Variants in GRAMD1C observed in about 807,000 individuals in gnomAD.
GRAMD1C encodes protein Aster-C.
A neutral mutation model predicts 97.8 loss-of-function variants in GRAMD1C; 89 were observed. The ratio of observed to expected loss-of-function variants is 0.91; its 90% CI spans 0.77 to 1.09. The LOEUF (loss-of-function observed/expected upper bound fraction) is 1.09. Among genes scored for constraint, GRAMD1C ranks in the 50% least tolerant of loss-of-function variants. The pLI is 0.00. For missense variants in GRAMD1C, 740 were observed against 766.4 expected, an observed-to-expected ratio of 0.97 and a Z score of 0.41; for synonymous variants, 256 against 267.0, an observed-to-expected ratio of 0.96 and a Z score of 0.40.
At chr3:113,860,991 A>G (rs1308071696) in intron 2 of GRAMD1C, among the ~76,000 whole-genome samples, 1 of 151,712 alleles carries the variant, frequency 6.6e-6, no homozygotes, top group Non-Finnish European at 1.5e-5. Flanking sequence ...AAGAAAACAG[A>G]AAAAAATAGA....
intron 1 of GRAMD1C, among the ~76,000 whole-genome samples, chr3:113,829,762 T>C (rs1373264388): frequency 6.6e-6 from 1 of 152,134 alleles, no homozygotes; most frequent in Non-Finnish European, 1.5e-5. Context: ...AACTGGGATA[T>C]GTTCTGAGAA....
chr3:113,849,267 TTTTATTTATTTATTTATTTA>T (rs200581881), intron 2 of GRAMD1C, among the ~76,000 whole-genome samples: 4 of 141,506 alleles, frequency 2.8e-5, no homozygotes, highest in South Asian at 2.2e-4. Context: ...CTAGTTAATA[TTTTATTTATTTATTTATTTA>T]TTTATTTATT....
chr3:113,852,794 C>A (rs1204840972), intron 2 of GRAMD1C, among the ~76,000 whole-genome samples: 1 of 152,132 alleles, frequency 6.6e-6, no homozygotes, highest in African/African-American at 2.4e-5. Flanking sequence ...GACTCCCATA[C>A]CCTCTGTGAA....
In GRAMD1C at chr3:113,933,652, AG is replaced by A; in HGVS notation, c.1352+1del. On this transcript the variant is annotated frameshift_variant and splice_region_variant, in exon 12 of 18. Coordinates refer to ENST00000358160, the MANE Select transcript of GRAMD1C (RefSeq NM_017577.5). LOFTEE classifies it high-confidence loss of function. ...IRSSKQKCRL[R>X]VSTDLKYRKQ... is the part of the protein sequence containing the mutation. Reference sequence around the variant, plus strand: ...ATCTTCAAAACAGAAATGCAGGCTAAGGTGAGCTGCTGTACATGAATGTGTT... The same window carrying A: ...ATCTTCAAAACAGAAATGCAGGCTAAGTGAGCTGCTGTACATGAATGTGTT... 1 of 1,603,312 alleles carries A rather than the reference AG, an allele frequency of 6.2e-7. No individual in the cohort carries two copies. Among genetic ancestry groups the A allele is most frequent in the Non-Finnish European group, 8.5e-7 (1 of 1,170,662 alleles).
chr3:113,914,140 T>G (rs1279908141), intron 9 of GRAMD1C, among the ~76,000 whole-genome samples: 2 of 152,222 alleles, frequency 1.3e-5, no homozygotes, highest in Non-Finnish European at 2.9e-5. Context: ...ATTTTTACAG[T>G]GAACATATAA....
intron 6 of GRAMD1C, among the ~76,000 whole-genome samples, chr3:113,884,523 A>T (rs1577161814): frequency 1.3e-5 from 2 of 152,308 alleles, no homozygotes; most frequent in Middle Eastern, 3.4e-3. Context: ...TGAATCAATA[A>T]CCTATATTTC....
At chr3:113,845,678 C>T (rs948774435) in intron 2 of GRAMD1C, among the ~76,000 whole-genome samples, 2 of 152,062 alleles carry the variant, frequency 1.3e-5, no homozygotes, top group African/African-American at 4.8e-5. Flanking sequence ...GCCCTCCAGC[C>T]TGGGTAACAG....
chr3:113,943,167 A>G (rs1937888043), intron 17 of GRAMD1C, among the ~76,000 whole-genome samples: 1 of 152,164 alleles, frequency 6.6e-6, no homozygotes, highest in African/African-American at 2.4e-5. Flanking sequence ...CCCAACTAAT[A>G]TTGCTTGAGC....
Position 113,945,930 on chromosome 3 carries a change from G to C in GRAMD1C, c.*452G>C, listed in dbSNP as rs1420895714. ...CCTCTATGTCATTACTGATTTTAAAGGTTCTGTTTTCAGGCATATAACATT... is the reference window on the plus strand; with the variant it reads ...CCTCTATGTCATTACTGATTTTAAACGTTCTGTTTTCAGGCATATAACATT... On this transcript the variant is annotated 3_prime_UTR_variant, in exon 18 of 18. Transcript: ENST00000358160. 6.5e-6 allele frequency: 1 copy of C among 153,296 alleles called. No individual in the cohort carries two copies. Among genetic ancestry groups the C allele is most frequent in the African/African-American group, 2.4e-5 (1 of 41,454 alleles). The allele number at this position is 153,296 out of a possible 1,614,324, so 9.5% of individuals were successfully genotyped here. A position where few individuals can be genotyped will look rare whatever the true frequency, so the allele number is the denominator to read the frequency against.
chr3:113,870,203 A>T (rs1934740440), intron 3 of GRAMD1C, among the ~76,000 whole-genome samples: 1 of 148,142 alleles, frequency 6.8e-6, no homozygotes, highest in Non-Finnish European at 1.5e-5. Flanking sequence ...CTGTATTATA[A>T]AAAAAAAAAA....
intron 1 of GRAMD1C, among the ~76,000 whole-genome samples, chr3:113,841,635 T>C (rs7628645): frequency 0.029 from 4,357 of 152,094 alleles, 231 homozygotes; most frequent in African/African-American, 0.1. Flanking sequence ...GAAGGCCCTG[T>C]TTTGTTTTAT....
intron 1 of GRAMD1C, among the ~76,000 whole-genome samples, chr3:113,840,590 A>G (rs2108066477): frequency 6.6e-6 from 1 of 152,272 alleles, no homozygotes; most frequent in Admixed American, 6.5e-5. Context: ...AAATAAAAAA[A>G]AAAAAGAAAG....
intron 3 of GRAMD1C, among the ~76,000 whole-genome samples, chr3:113,874,362 CTT>C (rs770426074): frequency 0.016 from 2,289 of 145,384 alleles, 49 homozygotes; most frequent in African/African-American, 0.052. Flanking sequence ...AGAGAATCAA[CTT>C]TTTTTTTTTT....
intron 10 of GRAMD1C, among the ~76,000 whole-genome samples, chr3:113,928,974 T>C (rs1375318058): frequency 6.8e-6 from 1 of 146,210 alleles, no homozygotes; most frequent in African/African-American, 2.5e-5. Context: ...TCCAGTTCTT[T>C]TGGGTATATG....
chr3:113,854,322 G>A (rs576084117), intron 2 of GRAMD1C, among the ~76,000 whole-genome samples: 17 of 152,154 alleles, frequency 1.1e-4, no homozygotes, highest in African/African-American at 3.9e-4. Flanking sequence ...AGATCACTTA[G>A]GGAGAAAATA....
chr3:113,884,843 AAG>A (rs1441460348), intron 6 of GRAMD1C, among the ~76,000 whole-genome samples: 22 of 150,698 alleles, frequency 1.5e-4, no homozygotes, highest in African/African-American at 5.3e-4. Flanking sequence ...TCTCAAAAAA[AAG>A]AAAAAAAAAA....
At chr3:113,845,934 C>T (rs916056337) in intron 2 of GRAMD1C, among the ~76,000 whole-genome samples, 10 of 151,864 alleles carry the variant, frequency 6.6e-5, no homozygotes, top group African/African-American at 1.9e-4. Flanking sequence ...TATTAAGAAA[C>T]GTGACATTAT....
At chr3:113,915,338 T>A (rs992925624) in intron 9 of GRAMD1C, among the ~76,000 whole-genome samples, 1 of 152,200 alleles carries the variant, frequency 6.6e-6, no homozygotes, top group Non-Finnish European at 1.5e-5. Flanking sequence ...TTAGATACTA[T>A]CTTATGTGTC....
In GRAMD1C at chr3:113,876,247, C is replaced by G; in HGVS notation, c.446C>G (p.Thr149Arg). The change falls in exon 5 of 18, where the codon ACA (threonine) becomes AGA (arginine). Residue 149 changes from threonine to arginine, a missense_variant. Thr to Arg is a moderately conservative substitution (Grantham distance 71). Transcript: ENST00000358160. ...ATCCCAAACGCTATCCAGATAGTTA[C>G]AGAAAGTGAAAAGGTGAAAACTTTC... The part of the protein sequence containing the change: ...RLIPNAIQIV[T>R]ESEKFFFTSF... 6.3e-7 allele frequency: 1 copy of G among 1,576,254 alleles called. No homozygotes were observed. Among genetic ancestry groups the G allele is most frequent in the Non-Finnish European group, 8.7e-7 (1 of 1,146,478 alleles).
Sources: allele counts gnomAD v4.1 joint callset (sites outside exome capture counted in the v4.1 genomes callset), GRCh38; gene constraint gnomAD v4.1.1; transcripts MANE v1.5; gene names NCBI Gene and HGNC (gene_info 2026-07-23, HGNC 2026-07-21).